The following RBFOX2 variants were observed in gnomAD, a reference collection of about 807,000 sequenced individuals.
RBFOX2 encodes the protein RNA binding protein fox-1 homolog 2.
A neutral mutation model predicts 49.1 loss-of-function variants in RBFOX2; 10 were observed. That is an observed-to-expected ratio of 0.20 (90% CI 0.13 to 0.35). RBFOX2 has a LOEUF of 0.35. Among genes scored for constraint, RBFOX2 ranks in the 10% least tolerant of loss-of-function variants. RBFOX2 has a pLI of 1.00. For synonymous variants in RBFOX2, 183 were observed against 187.4 expected (o/e 0.98, Z 0.19); for missense variants, 323 against 486.9 (o/e 0.66, Z 3.17).
exon 6 of RBFOX2, chr22:35,765,443 ATCT>A: frequency 6.6e-7 from 1 of 1,520,438 alleles, no homozygotes; most frequent in Non-Finnish European, 9.1e-7. Flanking sequence ...TGGTGTGACC[ATCT>A]TCTTATTGGT....
At chr22:35,872,382 G>A (rs910198179) in intron 1 of RBFOX2, among the ~76,000 whole-genome samples, 4 of 152,142 alleles carry the variant, frequency 2.6e-5, no homozygotes, top group African/African-American at 9.7e-5. Flanking sequence ...GTCTATAGGC[G>A]ACTTGTGTTA....
chr22:35,826,943 T>C (rs373857296), intron 1 of RBFOX2, among the ~76,000 whole-genome samples: 143 of 152,292 alleles, frequency 9.4e-4, no homozygotes, highest in African/African-American at 3.3e-3. Context: ...TCATGGGTAA[T>C]TGAAACCATG....
chr22:35,908,720 T>C lies in RBFOX2; in HGVS notation c.-34+30127A>G, dbSNP rs144295154. The stretch of plus-strand genomic sequence containing the variant: ...TTACAATTACCACCACAATAGCCAA[T>C]TGGTAAATATGAGTCACAAAATAAA... On this transcript the variant is annotated intron_variant, in intron 1 of 13. Coordinates refer to the RBFOX2 transcript ENST00000359369. 8.3e-4 allele frequency among the ~76,000 whole-genome samples: 126 copies of C among 152,240 alleles called. 4 individuals carry two copies. In the East Asian group the frequency reaches 0.022, roughly 27 times the overall value.
At chr22:35,935,404 T>A (rs1302088558) in intron 1 of RBFOX2, among the ~76,000 whole-genome samples, 1 of 152,210 alleles carries the variant, frequency 6.6e-6, no homozygotes, top group African/African-American at 2.4e-5. Context: ...ATAAAGCTTC[T>A]TAATAGATCA....
At chr22:35,875,115 G>A (rs1013627131) in intron 1 of RBFOX2, among the ~76,000 whole-genome samples, 20 of 152,164 alleles carry the variant, frequency 1.3e-4, no homozygotes, top group Non-Finnish European at 2.8e-4. Flanking sequence ...CTGCCTTGCT[G>A]GCTCCTTGGT....
chr22:35,964,203 G>T (rs1456840536), upstream of RBFOX2, among the ~76,000 whole-genome samples: 1 of 151,974 alleles, frequency 6.6e-6, no homozygotes, highest in Non-Finnish European at 1.5e-5. Context: ...TTTCCACTTA[G>T]CTTCCTATTT....
intron 2 of RBFOX2, among the ~76,000 whole-genome samples, chr22:35,804,713 A>G (rs1322626670): frequency 1.3e-5 from 2 of 152,172 alleles, no homozygotes; most frequent in African/African-American, 4.8e-5. Flanking sequence ...CCAGATAAAC[A>G]AAAACAGTAT....
upstream of RBFOX2, chr22:35,939,111 TA>T: frequency 1.4e-6 from 1 of 696,032 alleles, no homozygotes; most frequent in South Asian, 1.5e-5. Context: ...GCACTATTCA[TA>T]AAAACTATTT....
chr22:35,814,492 T>C (rs1380551498), intron 1 of RBFOX2, among the ~76,000 whole-genome samples: 1 of 151,904 alleles, frequency 6.6e-6, no homozygotes, highest in Non-Finnish European at 1.5e-5. Context: ...GAGGATCACT[T>C]GAGCCCAGGA....
At chr22:35,952,276 T>C (rs1208282001) in intron 1 of RBFOX2, among the ~76,000 whole-genome samples, 2 of 152,224 alleles carry the variant, frequency 1.3e-5, no homozygotes, top group African/African-American at 4.8e-5. Flanking sequence ...TTTTCTTTGC[T>C]GACATTGCTT....
At chr22:35,841,357 T>C (rs1958727697), upstream of RBFOX2, among the ~76,000 whole-genome samples, 1 of 152,202 alleles carries the variant, frequency 6.6e-6, no homozygotes, top group South Asian at 2.1e-4. Flanking sequence ...TAAGAGTTTC[T>C]TTAAAGTTCT....
intron 1 of RBFOX2, among the ~76,000 whole-genome samples, chr22:35,945,241 C>T (rs1246728882): frequency 2.6e-5 from 4 of 152,132 alleles, no homozygotes; most frequent in South Asian, 4.1e-4. Flanking sequence ...ACAGACCACA[C>T]TGACTAAAAA....
At chr22:35,871,004 A>G (rs537333267) in intron 1 of RBFOX2, among the ~76,000 whole-genome samples, 55 of 152,232 alleles carry the variant, frequency 3.6e-4, no homozygotes, top group African/African-American at 1.2e-3. Context: ...TTAGTTCTAT[A>G]CTTTTGAAAC....
At chr22:35,865,495 C>G (rs1271570515) in intron 1 of RBFOX2, among the ~76,000 whole-genome samples, 1 of 152,094 alleles carries the variant, frequency 6.6e-6, no homozygotes, top group Non-Finnish European at 1.5e-5. Flanking sequence ...TCTTTAATTC[C>G]AGCGTTCAAA....
At chr22:35,852,658 A>C (rs565726981) in intron 1 of RBFOX2, among the ~76,000 whole-genome samples, 1 of 152,272 alleles carries the variant, frequency 6.6e-6, no homozygotes, top group African/African-American at 2.4e-5. Context: ...TAGTATCTTA[A>C]ATCACTATTA....
At chr22:35,746,613 C>T in intron 9 of RBFOX2, 52 bp from the exon 12 acceptor site, 1 of 1,186,740 alleles carries the variant, frequency 8.4e-7, no homozygotes, top group Non-Finnish European at 1.2e-6. Flanking sequence ...CCCAGGTGTA[C>T]AGAAAAACAC....
intron 4 of RBFOX2, among the ~76,000 whole-genome samples, chr22:35,769,869 G>C (rs930494752): frequency 1.3e-5 from 2 of 152,084 alleles, no homozygotes; most frequent in Non-Finnish European, 2.9e-5. Flanking sequence ...GTGGTGTTTT[G>C]GAGAATTCCA....
chr22:35,985,601 C>A (rs2150081385), intron 1 of RBFOX2, among the ~76,000 whole-genome samples: 1 of 152,258 alleles, frequency 6.6e-6, no homozygotes, highest in South Asian at 2.1e-4. Context: ...GTTATCCAAA[C>A]AAAATCCCAT....
chr22:35,811,943 G>T (rs1951953978), intron 1 of RBFOX2, among the ~76,000 whole-genome samples: 1 of 130,396 alleles, frequency 7.7e-6, no homozygotes. Context: ...GCAACAGAAA[G>T]ACCACGTCTC....
Sources: gnomAD v4.1 joint callset for allele counts (sites outside exome capture counted in the v4.1 genomes callset) on GRCh38, gnomAD v4.1.1 for gene constraint, MANE v1.5 for transcripts, NCBI Gene and HGNC (gene_info 2026-07-23, HGNC 2026-07-21) for gene names.